Variants in LRRC49 observed in about 807,000 individuals in gnomAD.
LRRC49 encodes the protein leucine-rich repeat-containing protein 49.
Under a neutral mutation model 83.3 loss-of-function variants are expected in LRRC49, and 50 were observed. The ratio of observed to expected loss-of-function variants is 0.60; its 90% CI spans 0.48 to 0.76. The LOEUF is 0.76. Ranked by LOEUF, LRRC49 falls within the 30% of genes least tolerant of loss-of-function variation. LRRC49 has a pLI of 0.00. For missense variants in LRRC49, 704 were observed against 809.1 expected (o/e 0.87, Z 1.58); for synonymous variants, 286 against 283.3 (o/e 1.01, Z -0.10).
intron 11 of LRRC49, among the ~76,000 whole-genome samples, chr15:70,989,802 G>C (rs1295415764): frequency 2.0e-5 from 3 of 152,094 alleles, no homozygotes; most frequent in Non-Finnish European, 4.4e-5. Flanking sequence ...TGTACAGATG[G>C]GTTTTTGGTG....
rs1390729443 is a variant in LRRC49, at chr15:71,052,843, TGGGAAGAATTTTG to T, written c.*3232_*3244del. On this transcript the variant is annotated 3_prime_UTR_variant, in exon 16 of 16. Coordinates refer to ENST00000260382, the MANE Select transcript of LRRC49 (RefSeq NM_017691.5). ...CTGTTAGTCTTAAGGATCTGGCATC[TGGGAAGAATTTTG>T]ATGTCCATGGTCGTTCCTAATCCAC... 6.6e-6 allele frequency: 1 copy of T among 152,226 alleles called. No individual in the cohort carries two copies. Among genetic ancestry groups the T allele is most frequent in the Admixed American group, 6.5e-5 (1 of 15,288 alleles). 9.4% of individuals were successfully genotyped at this position (152,226 alleles called of 1,614,324 possible).
chr15:70,886,396 TC>T (rs2033408048), intron 2 of LRRC49, among the ~76,000 whole-genome samples: 1 of 152,164 alleles, frequency 6.6e-6, no homozygotes, highest in Non-Finnish European at 1.5e-5. Flanking sequence ...CATTTAACAT[TC>T]ACCATAAAAA....
chr15:70,907,028 T>C (rs901575114), intron 5 of LRRC49, among the ~76,000 whole-genome samples: 3 of 152,214 alleles, frequency 2.0e-5, no homozygotes, highest in Admixed American at 6.5e-5. Flanking sequence ...CTAAAACAAA[T>C]GCCAAGTGGC....
In LRRC49 at chr15:70,894,385, A is replaced by G. The variant is rs1253464435; in HGVS notation, c.105+745A>G. 2.0e-5 allele frequency among the ~76,000 whole-genome samples: 3 copies of G among 152,186 alleles called. No homozygotes were observed. The South Asian group carries it at 6.2e-4, about 31-fold the overall frequency. Reference sequence around the variant, plus strand: ...TCCCATTTAAAATCAGGGAAGAAAAAAATAGGTTAGCAGTGGACACATGTT... The same window carrying G: ...TCCCATTTAAAATCAGGGAAGAAAAGAATAGGTTAGCAGTGGACACATGTT... On this transcript the variant is annotated intron_variant, in intron 2 of 15. Coordinates refer to ENST00000260382, the MANE Select transcript of LRRC49 (RefSeq NM_017691.5).
At chr15:71,002,331 A>G (rs962407596) in intron 11 of LRRC49, among the ~76,000 whole-genome samples, 2 of 152,144 alleles carry the variant, frequency 1.3e-5, no homozygotes, top group African/African-American at 4.8e-5. Flanking sequence ...CGTGTAACTA[A>G]ATGCCTGGAA....
chr15:71,030,859 A>T (rs1164310201), intron 14 of LRRC49, among the ~76,000 whole-genome samples: 1 of 151,960 alleles, frequency 6.6e-6, no homozygotes, highest in Non-Finnish European at 1.5e-5. Context: ...TGTGTTTTTC[A>T]GCTCCATCAG....
At chr15:70,980,066 A>G (rs779912500) in intron 9 of LRRC49, 35 bp from the exon 10 acceptor site, 171 of 1,404,334 alleles carry the variant, frequency 1.2e-4, no homozygotes, top group Non-Finnish European at 1.5e-4. Flanking sequence ...AAATGGTTAA[A>G]CTCTTCATAA....
intron 15 of LRRC49, 122 bp downstream of exon 15, chr15:71,037,454 C>A: frequency 1.3e-6 from 1 of 785,160 alleles, no homozygotes; most frequent in Non-Finnish European, 2.0e-6. Context: ...TATTTGTCAA[C>A]CTTATATTAC....
chr15:70,984,858 C>T (rs1596100513), intron 11 of LRRC49, among the ~76,000 whole-genome samples: 2 of 149,424 alleles, frequency 1.3e-5, no homozygotes, highest in African/African-American at 2.5e-5. Context: ...CAGTTCCCAC[C>T]TATGAGTGAG....
chr15:70,944,596 G>A (rs535585892), intron 8 of LRRC49, among the ~76,000 whole-genome samples: 1 of 152,122 alleles, frequency 6.6e-6, no homozygotes, highest in African/African-American at 2.4e-5. Flanking sequence ...GTAGAGTCAG[G>A]GTTTTACCAT....
intron 8 of LRRC49, among the ~76,000 whole-genome samples, chr15:70,958,180 G>C (rs1465858066): frequency 6.6e-6 from 1 of 152,072 alleles, no homozygotes; most frequent in Non-Finnish European, 1.5e-5. Context: ...TTTTTGACAT[G>C]TTAAGCCCTG....
chr15:71,021,818 C>T (rs2039004449), intron 14 of LRRC49, among the ~76,000 whole-genome samples: 1 of 152,142 alleles, frequency 6.6e-6, no homozygotes, highest in African/African-American at 2.4e-5. Flanking sequence ...GTTCTCATGG[C>T]AGAGGCAGGG....
At chr15:71,007,709 G>GTATATA (rs55946096) in intron 11 of LRRC49, among the ~76,000 whole-genome samples, 91 of 137,692 alleles carry the variant, frequency 6.6e-4, no homozygotes, top group African/African-American at 2.1e-3. Flanking sequence ...TGAGAAGCAT[G>GTATATA]TATATATATA....
chr15:70,963,452 C>G (rs2036679558), intron 8 of LRRC49, among the ~76,000 whole-genome samples: 1 of 152,022 alleles, frequency 6.6e-6, no homozygotes, highest in African/African-American at 2.4e-5. Flanking sequence ...AGAGGAGCCT[C>G]AGGAGATATG....
intron 8 of LRRC49, among the ~76,000 whole-genome samples, chr15:70,958,287 A>AT (rs2036475264): frequency 6.6e-6 from 1 of 151,790 alleles, no homozygotes; most frequent in Non-Finnish European, 1.5e-5. Context: ...TTAATTTGTG[A>AT]TTTTTCTAAA....
chr15:71,004,591 A>G (rs978462570), intron 11 of LRRC49, among the ~76,000 whole-genome samples: 1 of 151,634 alleles, frequency 6.6e-6, no homozygotes, highest in Admixed American at 6.6e-5. Flanking sequence ...CGGAGGTTGC[A>G]GTGGGCTGAG....
At chr15:70,856,710 G>A (rs115724904) in intron 1 of LRRC49, among the ~76,000 whole-genome samples, 1,709 of 152,240 alleles carry the variant, frequency 0.011, 30 homozygotes, top group African/African-American at 0.039. Flanking sequence ...ACTCGATCAC[G>A]TTTGCAATGA....
At chr15:70,858,603 C>A in intron 1 of LRRC49, 1 of 508,346 alleles carries the variant, frequency 2.0e-6, no homozygotes, top group South Asian at 3.7e-5. Context: ...GACTTGGTCT[C>A]AATTAAAAAC....
chr15:70,878,082 G>C (rs574576127), intron 2 of LRRC49, among the ~76,000 whole-genome samples: 1 of 152,122 alleles, frequency 6.6e-6, no homozygotes, highest in African/African-American at 2.4e-5. Flanking sequence ...GCAGGGAGCC[G>C]AGCTTGCAAC....
Sources: allele counts gnomAD v4.1 joint callset (sites outside exome capture counted in the v4.1 genomes callset), GRCh38; gene constraint gnomAD v4.1.1; transcripts MANE v1.5; gene names NCBI Gene and HGNC (gene_info 2026-07-23, HGNC 2026-07-21).